The following KANK3 variants were observed in gnomAD, a reference collection of about 807,000 sequenced individuals.
KANK3 encodes the protein KN motif and ankyrin repeat domain-containing protein 3.
In KANK3, 61 loss-of-function variants were observed where a neutral mutation model predicts 65.4. The ratio of observed to expected loss-of-function variants is 0.93; its 90% CI spans 0.76 to 1.15. KANK3 has a LOEUF of 1.15. KANK3 is among the 50% of genes most tolerant of loss of function. The probability of loss-of-function intolerance (pLI) is 0.00; values close to 1 mark genes in which losing one functional copy is unlikely to be tolerated. For synonymous variants in KANK3, 586 were observed against 543.3 expected (o/e 1.08, Z -1.09); for missense variants, 1,187 against 1,178.8 (o/e 1.01, Z -0.10).
Position 8,324,446 on chromosome 19 carries a change from C to T in KANK3, c.2382+3G>A. On this transcript the variant is annotated splice_donor_region_variant and intron_variant, in intron 10 of 10. Coordinates refer to ENST00000330915, the MANE Select transcript of KANK3 (RefSeq NM_198471.3). ...AGTTTGTTTCTTCCAGAGCTGTGCT[C>T]ACCTGGGTGTCGGGCTGGCCCGAGC... 1.3e-6 allele frequency: 2 copies of T among 1,594,930 alleles called. No homozygotes were observed. The highest frequency in any genetic ancestry group is 1.7e-6 in the Non-Finnish European group (2 of 1,170,654).
chr19:8,324,395 C>G, intron 10 of KANK3, 54 bp downstream of exon 10: 3 of 1,505,632 alleles, frequency 2.0e-6, no homozygotes. Context: ...TTACTATCCT[C>G]TGCAAACTGA....
At chr19:8,342,950 T>A (rs1970739597) in intron 1 of KANK3, among the ~76,000 whole-genome samples, 1 of 151,934 alleles carries the variant, frequency 6.6e-6, no homozygotes, top group Non-Finnish European at 1.5e-5. Flanking sequence ...CCAGGGCCGG[T>A]TGTGGCATTA....
chr19:8,326,800 GA>G (rs372665622), intron 7 of KANK3, among the ~76,000 whole-genome samples: 5,500 of 119,296 alleles, frequency 0.046, 139 homozygotes, highest in Middle Eastern at 0.13. Context: ...CCATCTCTCA[GA>G]AAAAAAAAAA....
In KANK3 at chr19:8,324,442, T is replaced by C; in HGVS notation, c.2382+7A>G. On this transcript the variant is annotated splice_region_variant and intron_variant, in intron 10 of 10. Transcript: ENST00000330915. Reference sequence around the variant, plus strand: ...GGAAAGTTTGTTTCTTCCAGAGCTGTGCTCACCTGGGTGTCGGGCTGGCCC... The same window carrying C: ...GGAAAGTTTGTTTCTTCCAGAGCTGCGCTCACCTGGGTGTCGGGCTGGCCC... 1 of 1,591,046 alleles carries C rather than the reference T, an allele frequency of 6.3e-7. No homozygotes were observed. The highest frequency in any genetic ancestry group is 1.8e-5 in the Admixed American group (1 of 56,182).
rs1970580381 is a variant in KANK3, at chr19:8,334,010, C to A, written c.1534G>T (p.Gly512Trp). 1.3e-6 allele frequency: 2 copies of A among 1,560,584 alleles called. No individual in the cohort carries two copies. The highest frequency in any genetic ancestry group is 2.4e-5 in the East Asian group (1 of 42,026). The change falls in exon 5 of 11, where the codon GGG becomes TGG. Residue 512 changes from glycine (G) to tryptophan (W), a missense_variant. Coordinates refer to ENST00000330915, the MANE Select transcript of KANK3 (RefSeq NM_198471.3). Reference sequence around the variant, plus strand: ...CCAGGGGTGCCCGAGTCGGATCCCCCGCCGCTGTCATCCCCGGAGCCCGAG... The same window carrying A: ...CCAGGGGTGCCCGAGTCGGATCCCCAGCCGCTGTCATCCCCGGAGCCCGAG... Reference protein sequence around the residue: ...SSSGSGDDSGGGSDSGTPGPP... With the variant: ...SSSGSGDDSGWGSDSGTPGPP...
chr19:8,333,756 G>C lies in KANK3; in HGVS notation c.1687C>G (p.Leu563Val), dbSNP rs572205193. 2 of 1,486,158 alleles carry C rather than the reference G, an allele frequency of 1.3e-6. No individual in the cohort carries two copies. Among genetic ancestry groups the C allele is most frequent in the African/African-American group, 2.8e-5 (2 of 70,684 alleles). 92.1% of individuals were successfully genotyped at this position (1,486,158 alleles called of 1,614,324 possible). The change falls in exon 6 of 11, where the codon CTG becomes GTG. Residue 563 changes from leucine (L) to valine (V), a missense_variant. Leu to Val is a conservative substitution (Grantham distance 32, BLOSUM62 1). Around this residue, in one of 3 missense-constraint regions of KANK3, gnomAD observed 1,078 missense variants for 1,038.2 expected, o/e 1.04. Coordinates refer to ENST00000330915, the MANE Select transcript of KANK3 (RefSeq NM_198471.3). The surrounding 1 kb of genome is among the most constrained non-coding windows in gnomAD (Gnocchi z 5.0). ...REACVALQRQ[L>V]SRPRGVASDG... ...CTGGCTACTCCGCGGGGCCGGCTCAGCTGCCGCTGCAGCGCTACGCACGCC... is the reference window on the plus strand; with the variant it reads ...CTGGCTACTCCGCGGGGCCGGCTCACCTGCCGCTGCAGCGCTACGCACGCC...
Position 8,333,733 on chromosome 19 carries a change from G to A in KANK3, c.1710C>T (p.Ala570=). ...CTCCCGGGGCACTCACGCCGTCGCTGGCTACTCCGCGGGGCCGGCTCAGCT... is the reference window on the plus strand; with the variant it reads ...CTCCCGGGGCACTCACGCCGTCGCTAGCTACTCCGCGGGGCCGGCTCAGCT... ...QRQLSRPRGV[A]SDGGAVRLVA... Residue 570 remains alanine (A), a synonymous_variant, in exon 6 of 11, where the codon GCC becomes GCT. Coordinates refer to ENST00000330915, the MANE Select transcript of KANK3 (RefSeq NM_198471.3). This position sits in a 1 kb window ranked among gnomAD's most constrained non-coding sequence, Gnocchi z 5.0. 6.8e-7 allele frequency: 1 copy of A among 1,462,708 alleles called. No homozygotes were observed. The highest frequency in any genetic ancestry group is 9.1e-7 in the Non-Finnish European group (1 of 1,104,202). 90.6% of individuals were successfully genotyped at this position (1,462,708 alleles called of 1,614,324 possible). A position where few individuals can be genotyped will look rare whatever the true frequency, so the allele number is the denominator to read the frequency against.
chr19:8,342,462 G>A (rs1970733416), intron 1 of KANK3, among the ~76,000 whole-genome samples: 1 of 152,140 alleles, frequency 6.6e-6, no homozygotes, highest in Non-Finnish European at 1.5e-5. Flanking sequence ...CGGATTCTGT[G>A]CCTGAGACCC....
intron 4 of KANK3, 28 bp from the exon 5 acceptor site, chr19:8,334,144 A>T: frequency 6.7e-7 from 1 of 1,494,664 alleles, no homozygotes; most frequent in East Asian, 2.5e-5. Context: ...GGTGTCTGCT[A>T]AACCTCCCCT....
chr19:8,328,054 G>A (rs1970458717), intron 7 of KANK3, among the ~76,000 whole-genome samples: 2 of 152,170 alleles, frequency 1.3e-5, no homozygotes, highest in South Asian at 4.1e-4. Flanking sequence ...AAGGCAGGAG[G>A]ATCACTTGAG....
At chr19:8,323,902 T>C (rs751983000) in intron 10 of KANK3, among the ~76,000 whole-genome samples, 2 of 152,130 alleles carry the variant, frequency 1.3e-5, no homozygotes, top group Non-Finnish European at 2.9e-5. Context: ...ACTCACCCAG[T>C]CTCCAGTTCT....
At chr19:8,340,291 T>TATATAC (rs1472181365) in intron 1 of KANK3, among the ~76,000 whole-genome samples, 1 of 92,870 alleles carries the variant, frequency 1.1e-5, no homozygotes, top group African/African-American at 4.4e-5. Context: ...TATATATATA[T>TATATAC]ACACACACAC....
rs1250941883 is a variant in KANK3, at chr19:8,333,550, G to A, written c.1719+174C>T. Among the ~76,000 whole-genome samples the A allele has an allele frequency of 6.6e-6, 1 of 152,182 alleles. No homozygotes were observed. The highest frequency in any genetic ancestry group is 2.4e-5 in the African/African-American group (1 of 41,442). On this transcript the variant is annotated intron_variant, in intron 6 of 10. Transcript: ENST00000330915. This position sits in a 1 kb window ranked among gnomAD's most constrained non-coding sequence, Gnocchi z 5.0. Reference sequence around the variant, plus strand: ...GGGGCTGGGGCCGGGCCTTTTTGGGGAAACCAAGGAAAGATCGGCGCTGTC... The same window carrying A: ...GGGGCTGGGGCCGGGCCTTTTTGGGAAAACCAAGGAAAGATCGGCGCTGTC...
chr19:8,332,564 A>ATGGT, intron 7 of KANK3, among the ~76,000 whole-genome samples: 1 of 150,486 alleles, frequency 6.6e-6, no homozygotes, highest in East Asian at 2.1e-4. Flanking sequence ...CAGGCCTGTA[A>ATGGT]TCCCAGCACT....
chr19:8,333,196 C>G lies in KANK3; in HGVS notation c.1754G>C (p.Arg585Pro). 7 of 1,612,366 alleles carry G rather than the reference C, an allele frequency of 4.3e-6. No homozygotes were observed. The highest frequency in any genetic ancestry group is 5.9e-6 in the Non-Finnish European group (7 of 1,179,778). ...CTGAGAGCGCCGCTGGCTGGACACTCGAAACCACTCCTGGGCCACGAGGCG... is the reference window on the plus strand; with the variant it reads ...CTGAGAGCGCCGCTGGCTGGACACTGGAAACCACTCCTGGGCCACGAGGCG... ...AVRLVAQEWF[R>P]VSSQRRSQAE... Residue 585 changes from arginine to proline, a missense_variant, in exon 7 of 11, where the codon CGA (arginine) becomes CCA (proline). Around this residue, in one of 3 missense-constraint regions of KANK3, gnomAD observed 1,078 missense variants for 1,038.2 expected, o/e 1.04. Transcript: ENST00000330915. The surrounding 1 kb of genome is among the most constrained non-coding windows in gnomAD (Gnocchi z 5.0).
chr19:8,324,881 G>A (rs902279411), intron 8 of KANK3, 51 bp from the exon 9 acceptor site: 3 of 1,588,904 alleles, frequency 1.9e-6, no homozygotes, highest in South Asian at 1.1e-5. Context: ...TCAGGGAAGG[G>A]AGGTCACAGG....
At chr19:8,329,209 G>A (rs1455924835) in intron 7 of KANK3, among the ~76,000 whole-genome samples, 3 of 150,232 alleles carry the variant, frequency 2.0e-5, no homozygotes, top group African/African-American at 4.9e-5. Flanking sequence ...AGTGCCGGCT[G>A]GGTGCGGTTG....
Position 8,333,975 on chromosome 19 carries a change from G to A in KANK3, c.1569C>T (p.Ser523=). 1 of 1,568,116 alleles carries A rather than the reference G, an allele frequency of 6.4e-7. No homozygotes were observed. The highest frequency in any genetic ancestry group is 1.2e-5 in the South Asian group (1 of 86,570). Residue 523 remains serine, a synonymous_variant, in exon 5 of 11, where the codon AGC becomes AGT. Coordinates refer to ENST00000330915, the MANE Select transcript of KANK3 (RefSeq NM_198471.3). This position sits in a 1 kb window ranked among gnomAD's most constrained non-coding sequence, Gnocchi z 5.0. ...GSDSGTPGPP[S]GGDIRDPEPE... is the part of the protein sequence containing the mutation. Reference sequence around the variant, plus strand: ...GCTCAGGGTCCCGGATGTCCCCGCCGCTGGGAGGGCCAGGGGTGCCCGAGT... The same window carrying A: ...GCTCAGGGTCCCGGATGTCCCCGCCACTGGGAGGGCCAGGGGTGCCCGAGT...
In KANK3 at chr19:8,332,933, G is replaced by T. The variant is rs552452328; in HGVS notation, c.1936+81C>A. 7 of 1,174,068 alleles carry T rather than the reference G, an allele frequency of 6.0e-6. No individual in the cohort carries two copies. In the East Asian group the frequency reaches 1.8e-4, roughly 30 times the overall value. 72.7% of individuals were successfully genotyped at this position (1,174,068 alleles called of 1,614,324 possible). Reference sequence around the variant, plus strand: ...CAGCCATTCTCTGCTTTCCTCTCCAGAGTCTTTGAGCCTAGGTCAGCCCCT... The same window carrying T: ...CAGCCATTCTCTGCTTTCCTCTCCATAGTCTTTGAGCCTAGGTCAGCCCCT... On this transcript the variant is annotated intron_variant, in intron 7 of 10. Transcript: ENST00000330915.
Sources: gnomAD v4.1 joint callset for allele counts (sites outside exome capture counted in the v4.1 genomes callset) on GRCh38, gnomAD v4.1.1 for gene constraint, gnomAD v4.1.1 regional missense constraint, Gnocchi (gnomAD v3.1) non-coding constraint, MANE v1.5 for transcripts, NCBI Gene and HGNC (gene_info 2026-07-23, HGNC 2026-07-21) for gene names.